The following COX19 variants were observed in gnomAD, a reference collection of about 807,000 sequenced individuals.
COX19 encodes cytochrome c oxidase assembly factor COX19, also known as cytochrome c oxidase assembly protein COX19.
In COX19, 8 loss-of-function variants were observed where a neutral mutation model predicts 6.8. That is an observed-to-expected ratio of 1.18 (90% CI 0.69 to 2.12). COX19 has a LOEUF of 2.12. COX19 is among the 30% of genes most tolerant of loss of function. The pLI, the probability that COX19 is intolerant of heterozygous loss-of-function variation, is 0.00. For missense variants in COX19, 131 were observed against 104.6 expected, an observed-to-expected ratio of 1.25 and a Z score of -1.10; for synonymous variants, 51 against 38.0, an observed-to-expected ratio of 1.34 and a Z score of -1.26.
rs1847559812 is a variant in COX19, at chr7:966,691, C to T, written c.*2687G>A. 6.6e-6 allele frequency: 1 copy of T among 152,262 alleles called. No homozygotes were observed. Among genetic ancestry groups the T allele is most frequent in the African/African-American group, 2.4e-5 (1 of 41,438 alleles). The allele number at this position is 152,262 out of a possible 1,614,324, so 9.4% of individuals were successfully genotyped here. ...GAGCTGGGAAGCATTTGTGCACAGC[C>T]CCTCACAACAGTCCCCCTTACACAC... On this transcript the variant is annotated 3_prime_UTR_variant, in exon 3 of 3. Transcript: ENST00000344111.
rs140474676 is a variant in COX19 at position 973,275 on chromosome 7, T to G, written c.100A>C (p.Lys34Gln). ...TGAAGACACTTCATGAATTTCTCTT[T>G]AAAGCTTTTACATTCACCTAGAACG... ...LDHLGECKSF[K>Q]EKFMKCLHNN... The change falls in exon 2 of 3, where the codon AAA becomes CAA. Residue 34 changes from lysine (K) to glutamine (Q), a missense_variant. By Grantham distance (53) the Lys-to-Gln change is moderately conservative. Coordinates refer to ENST00000344111, the MANE Select transcript of COX19 (RefSeq NM_001031617.3). 2 of 1,595,114 alleles carry G rather than the reference T, an allele frequency of 1.3e-6. No homozygotes were observed. Among genetic ancestry groups the G allele is most frequent in the Non-Finnish European group, 1.7e-6 (2 of 1,172,854 alleles).
intron 2 of COX19, among the ~76,000 whole-genome samples, chr7:971,202 C>A (rs1441769464): frequency 6.6e-6 from 1 of 152,234 alleles, no homozygotes; most frequent in African/African-American, 2.4e-5. Flanking sequence ...AGGACGCGAA[C>A]TTCTAAATCA....
intron 2 of COX19, chr7:972,836 G>A (rs1243431558): frequency 1.2e-5 from 2 of 162,976 alleles, no homozygotes; most frequent in Non-Finnish European, 2.6e-5. Context: ...GAAAGAAACT[G>A]TGTACCCACG....
At chr7:971,850 G>A (rs1033897886) in intron 2 of COX19, among the ~76,000 whole-genome samples, 45 of 152,290 alleles carry the variant, frequency 3.0e-4, no homozygotes, top group African/African-American at 1.0e-3. Flanking sequence ...CAGCCCAGGC[G>A]ACAGAGTGAG....
rs1166370988 is a variant in COX19, at chr7:967,929, G to A, written c.*1449C>T. On this transcript the variant is annotated 3_prime_UTR_variant, in exon 3 of 3. Transcript: ENST00000344111. ...GGCTGCGTCACGGCTCACGTGCACT[G>A]TGAGGACACTGGGGTTGCTATAGAC... is the stretch of plus-strand genomic sequence containing the variant. 6.6e-6 allele frequency: 1 copy of A among 152,318 alleles called. No homozygotes were observed. The highest frequency in any genetic ancestry group is 6.5e-5 in the Admixed American group (1 of 15,290). 9.4% of individuals were successfully genotyped at this position (152,318 alleles called of 1,614,324 possible). A position where few individuals can be genotyped will look rare whatever the true frequency, so the allele number is the denominator to read the frequency against.
At chr7:972,357 C>G (rs1847647636) in intron 2 of COX19, among the ~76,000 whole-genome samples, 1 of 152,260 alleles carries the variant, frequency 6.6e-6, no homozygotes, top group African/African-American at 2.4e-5. Flanking sequence ...CACGAATAAC[C>G]CCGAACACAC....
chr7:971,440 A>G (rs1847633476), intron 2 of COX19, among the ~76,000 whole-genome samples: 1 of 152,204 alleles, frequency 6.6e-6, no homozygotes, highest in Non-Finnish European at 1.5e-5. Context: ...GGTGCCGGTT[A>G]TGGGAGGTAG....
Position 965,528 on chromosome 7 carries a change from G to C in COX19, c.*3850C>G, listed in dbSNP as rs1847539146. Among the ~76,000 whole-genome samples the C allele has an allele frequency of 6.6e-6, 1 of 152,220 alleles. No homozygotes were observed. The highest frequency in any genetic ancestry group is 2.4e-5 in the African/African-American group (1 of 41,448). ...CGGCGGTGGCTGCTGGGTTAAGGGGGCCTCTGCCGTTCTGCTGTGACATGA... is the reference window on the plus strand; with the variant it reads ...CGGCGGTGGCTGCTGGGTTAAGGGGCCCTCTGCCGTTCTGCTGTGACATGA... On this transcript the variant is annotated 3_prime_UTR_variant, in exon 3 of 3. Transcript: ENST00000344111.
At chr7:970,355 G>A (rs932254483) in intron 2 of COX19, among the ~76,000 whole-genome samples, 1 of 151,696 alleles carries the variant, frequency 6.6e-6, no homozygotes, top group Non-Finnish European at 1.5e-5. Context: ...GGCTGGTCTC[G>A]AACTCCTGAC....
At chr7:969,530 T>A (rs1236356887) in intron 2 of COX19, 74 bp from the exon 3 acceptor site, 2 of 949,932 alleles carry the variant, frequency 2.1e-6, no homozygotes, top group African/African-American at 3.3e-5. Flanking sequence ...GGCCCCGGCT[T>A]CCCAGCGCAC....
intron 1 of COX19, among the ~76,000 whole-genome samples, chr7:973,930 C>T (rs577581836): frequency 1.3e-5 from 2 of 152,250 alleles, no homozygotes; most frequent in South Asian, 4.1e-4. Context: ...CACACCACTG[C>T]ACTCCAGCCT....
chr7:974,569 G>C (rs1337439699), intron 1 of COX19, among the ~76,000 whole-genome samples: 1 of 152,158 alleles, frequency 6.6e-6, no homozygotes, highest in African/African-American at 2.4e-5. Context: ...GAGAGTTCAG[G>C]GTAAAAATTC....
At chr7:970,933 G>A (rs1045857172) in intron 2 of COX19, among the ~76,000 whole-genome samples, 1 of 152,124 alleles carries the variant, frequency 6.6e-6, no homozygotes, top group African/African-American at 2.4e-5. Flanking sequence ...TGAAATTCAC[G>A]ACTCAGCATG....
chr7:973,848 C>A (rs999150049), intron 1 of COX19, among the ~76,000 whole-genome samples: 7 of 149,596 alleles, frequency 4.7e-5, no homozygotes, highest in Non-Finnish European at 8.9e-5. Context: ...TGTCTGTAGT[C>A]CCAGCTACTC....
At chr7:973,082 C>T in intron 2 of COX19, 99 bp downstream of exon 2, 1 of 667,886 alleles carries the variant, frequency 1.5e-6, no homozygotes, top group Non-Finnish European at 2.3e-6. Flanking sequence ...AAGCTGAATC[C>T]CAGGCCTGAA....
chr7:970,535 C>T (rs976040926), intron 2 of COX19, among the ~76,000 whole-genome samples: 2 of 151,398 alleles, frequency 1.3e-5, no homozygotes, highest in East Asian at 1.9e-4. Flanking sequence ...CTCCACCTCC[C>T]GGGTTCAGGC....
chr7:969,522 C>T (rs1847606198), intron 2 of COX19, 66 bp from the exon 3 acceptor site: 1 of 1,013,550 alleles, frequency 9.9e-7, no homozygotes, highest in Non-Finnish European at 1.5e-6. Context: ...CCCTTGCAGG[C>T]CCCGGCTTCC....
intron 2 of COX19, among the ~76,000 whole-genome samples, chr7:971,197 G>A (rs147249253): frequency 3.6e-4 from 55 of 152,270 alleles, no homozygotes; most frequent in East Asian, 1.7e-3. Context: ...AGGACAGGAC[G>A]CGAACTTCTA....
chr7:975,117 GC>G (rs1188601714), intron 1 of COX19: 2 of 336,788 alleles, frequency 5.9e-6, no homozygotes, highest in Non-Finnish European at 1.1e-5. Context: ...GCCGCCGAAT[GC>G]CCCGCTCTGC....
Sources: gnomAD v4.1 joint callset for allele counts (sites outside exome capture counted in the v4.1 genomes callset) on GRCh38, gnomAD v4.1.1 for gene constraint, MANE v1.5 for transcripts, NCBI Gene and HGNC (gene_info 2026-07-23, HGNC 2026-07-21) for gene names.